Variants in HERC1 observed in about 807,000 individuals in gnomAD.
HERC1 encodes the protein HECT and RLD domain containing E3 ubiquitin protein ligase family member 1.
Under a neutral mutation model 554.3 loss-of-function variants are expected in HERC1, and 160 were observed. The ratio of observed to expected loss-of-function variants is 0.29; its 90% confidence interval spans 0.25 to 0.33. The LOEUF is 0.33. Ranked by LOEUF, HERC1 falls within the 10% of genes least tolerant of loss-of-function variation. HERC1 has a pLI of 1.00. For synonymous variants in HERC1, 2,175 were observed against 2,131.7 expected, an observed-to-expected ratio of 1.02 and a Z score of -0.56; for missense variants, 4,919 against 5,918.5, an observed-to-expected ratio of 0.83 and a Z score of 5.54.
At chr15:63,623,700 A>G (rs1237484143) in intron 73 of HERC1, 25 bp downstream of exon 73, 1 of 1,609,486 alleles carries the variant, frequency 6.2e-7, no homozygotes, top group Admixed American at 1.7e-5. Flanking sequence ...TAGATAACTC[A>G]GCAGGGGACA....
chr15:63,746,261 T>A (rs1214313651), intron 12 of HERC1, among the ~76,000 whole-genome samples: 1 of 152,182 alleles, frequency 6.6e-6, no homozygotes, highest in Non-Finnish European at 1.5e-5. Context: ...TAAATTTATC[T>A]TGTAATTTCT....
chr15:63,809,744 TTAAAC>T (rs1361460011), intron 1 of HERC1, among the ~76,000 whole-genome samples: 2 of 151,890 alleles, frequency 1.3e-5, no homozygotes, highest in African/African-American at 2.4e-5. Context: ...AAAGTACTGT[TTAAAC>T]TAAGAAATAT....
At chr15:63,712,409 A>C (rs926680645) in intron 24 of HERC1, among the ~76,000 whole-genome samples, 30 of 152,230 alleles carry the variant, frequency 2.0e-4, no homozygotes, top group African/African-American at 7.0e-4. Flanking sequence ...GATGATCCCA[A>C]GTTTCTTGCT....
At chr15:63,682,252 A>G (rs1244195213) in intron 34 of HERC1, among the ~76,000 whole-genome samples, 1 of 152,202 alleles carries the variant, frequency 6.6e-6, no homozygotes, top group Non-Finnish European at 1.5e-5. Flanking sequence ...CAATCACAAG[A>G]GAGTTGGTTT....
Position 63,732,892 on chromosome 15 carries a change from T to C in HERC1, c.2868+32A>G, listed in dbSNP as rs141764656. The C allele has an allele frequency of 2.6e-4, 369 of 1,414,208 alleles. 3 individuals carry two copies. In the Middle Eastern group the frequency reaches 3.2e-3, roughly 12 times the overall value. 87.6% of individuals were successfully genotyped at this position (1,414,208 alleles called of 1,614,324 possible). A position where few individuals can be genotyped will look rare whatever the true frequency, so the allele number is the denominator to read the frequency against. On this transcript the variant is annotated intron_variant, in intron 14 of 77. Coordinates refer to ENST00000443617, the MANE Select transcript of HERC1 (RefSeq NM_003922.4). ...ACTAAAGAGATCCCTACCCCTTTAT[T>C]CTTTTTTTACTACAATGAAAGAACA...
chr15:63,645,631 A>C lies in HERC1; in HGVS notation c.10930T>G (p.Cys3644Gly). Residue 3644 changes from cysteine to glycine, a missense_variant, in exon 56 of 78, where the codon TGT (cysteine) becomes GGT (glycine). Transcript: ENST00000443617. The part of the protein sequence containing the change: ...WDPTGHILMT[C>G]AKEDSVKLWG... ...AGTTTCACACTGTCTTCTTTGGCAC[A>C]TGTCATAAGAATATGACCTGTAGGG... 1.9e-6 allele frequency: 3 copies of C among 1,611,316 alleles called. No homozygotes were observed. The highest frequency in any genetic ancestry group is 2.5e-6 in the Non-Finnish European group (3 of 1,178,640).
intron 3 of HERC1, among the ~76,000 whole-genome samples, chr15:63,759,608 G>A (rs1038713301): frequency 3.9e-5 from 6 of 152,144 alleles, no homozygotes; most frequent in Non-Finnish European, 7.3e-5. Context: ...ATTTTGTGAC[G>A]TGAACTTCTG....
intron 68 of HERC1, among the ~76,000 whole-genome samples, chr15:63,630,908 G>A (rs1212466289): frequency 6.6e-6 from 1 of 152,158 alleles, no homozygotes; most frequent in Non-Finnish European, 1.5e-5. Flanking sequence ...TTCAAAATAA[G>A]AGGCTTCTCC....
intron 68 of HERC1, among the ~76,000 whole-genome samples, chr15:63,632,108 A>T (rs549867489): frequency 4.6e-5 from 7 of 152,138 alleles, no homozygotes; most frequent in Non-Finnish European, 1.0e-4. Flanking sequence ...CATAACTAAA[A>T]CTAAATTCCT....
Position 63,718,564 on chromosome 15 carries a change from C to T in HERC1, c.3978+10G>A. On this transcript the variant is annotated intron_variant, in intron 21 of 77. Transcript: ENST00000443617. This position sits in a 1 kb window ranked among gnomAD's most constrained non-coding sequence, Gnocchi z 4.2. ...GAAAAACATAGAAATTAATTGATTT[C>T]AAACTTTACCCATCTGTCCCGTGAT... 6.5e-7 allele frequency: 1 copy of T among 1,544,132 alleles called. No homozygotes were observed. The highest frequency in any genetic ancestry group is 8.8e-7 in the Non-Finnish European group (1 of 1,140,176).
At chr15:63,719,700 T>C (rs1211632302) in intron 19 of HERC1, among the ~76,000 whole-genome samples, 1 of 151,778 alleles carries the variant, frequency 6.6e-6, no homozygotes, top group African/African-American at 2.4e-5. Context: ...GGCTGGAGAG[T>C]CCACATGCAT....
In HERC1 at chr15:63,723,359, A is replaced by C; in HGVS notation, c.3569-4T>G. The C allele has an allele frequency of 6.5e-7, 1 of 1,532,398 alleles. No individual in the cohort carries two copies. The highest frequency in any genetic ancestry group is 8.8e-7 in the Non-Finnish European group (1 of 1,134,604). The allele number at this position is 1,532,398 out of a possible 1,614,324, so 94.9% of individuals were successfully genotyped here. A position where few individuals can be genotyped will look rare whatever the true frequency, so the allele number is the denominator to read the frequency against. On this transcript the variant is annotated splice_region_variant and splice_polypyrimidine_tract_variant and intron_variant, in intron 18 of 77. Transcript: ENST00000443617. ...AACAGGCAACTCATACATTTATCTA[A>C]AAAAAATACTCACGTTACCAATTTT...
At chr15:63,746,710 G>C (rs990505280) in intron 12 of HERC1, among the ~76,000 whole-genome samples, 6 of 152,188 alleles carry the variant, frequency 3.9e-5, no homozygotes, top group Admixed American at 1.3e-4. Flanking sequence ...AATCTGGTGG[G>C]AGAGCAGGAA....
chr15:63,683,223 G>T (rs78464419), intron 34 of HERC1, among the ~76,000 whole-genome samples: 1 of 151,668 alleles, frequency 6.6e-6, no homozygotes, highest in African/African-American at 2.4e-5. Context: ...GTTTCATCCT[G>T]ATCAGGGAAA....
In HERC1 at chr15:63,718,738, TC is replaced by T; in HGVS notation, c.3857+44del. On this transcript the variant is annotated intron_variant, in intron 20 of 77. Coordinates refer to ENST00000443617, the MANE Select transcript of HERC1 (RefSeq NM_003922.4). The surrounding 1 kb of genome is among the most constrained non-coding windows in gnomAD (Gnocchi z 4.2). ...TAGAAAAGTTACCTAATTTCTGACA[TC>T]ATGAGAGCAAATATTTGTCTGAGGA... 1.2e-6 allele frequency: 2 copies of T among 1,603,616 alleles called. No homozygotes were observed. The highest frequency in any genetic ancestry group is 1.7e-6 in the Non-Finnish European group (2 of 1,171,798).
Position 63,758,526 on chromosome 15 carries a change from T to C in HERC1, c.1027-157A>G, listed in dbSNP as rs984582245. 1.1e-4 allele frequency among the ~76,000 whole-genome samples: 16 copies of C among 152,214 alleles called. No homozygotes were observed. The highest frequency in any genetic ancestry group is 3.4e-4 in the African/African-American group (14 of 41,458). Reference sequence around the variant, plus strand: ...AAGATAACTAGACTATTTACTCATATGGAATAAACCACTAAAAGACGCTAA... The same window carrying C: ...AAGATAACTAGACTATTTACTCATACGGAATAAACCACTAAAAGACGCTAA... On this transcript the variant is annotated intron_variant, in intron 3 of 77. Transcript: ENST00000443617. The surrounding 1 kb of genome is among the most constrained non-coding windows in gnomAD (Gnocchi z 4.0).
At position 63,637,662 on chromosome 15, in the gene HERC1, A is replaced by T; in HGVS notation, c.12094-19T>A. The T allele has an allele frequency of 6.5e-7, 1 of 1,536,938 alleles. No individual in the cohort carries two copies. The highest frequency in any genetic ancestry group is 8.8e-7 in the Non-Finnish European group (1 of 1,138,164). ...AAATGACCTAGTATAAAAACACAGA[A>T]TTAAATATTTTATTCTTTATTATAT... On this transcript the variant is annotated intron_variant, in intron 63 of 77. Coordinates refer to ENST00000443617, the MANE Select transcript of HERC1 (RefSeq NM_003922.4).
In HERC1 at chr15:63,655,609, T is replaced by C. The variant is rs954678075; in HGVS notation, c.10084+133A>G. ...TTTCCATACACAGTGAAAAAGTATC[T>C]ATGCACTTCTTTTATGTTCTAAACT... On this transcript the variant is annotated intron_variant, in intron 50 of 77. Transcript: ENST00000443617. The C allele has an allele frequency of 1.4e-5, 9 of 622,748 alleles. No homozygotes were observed. In the African/African-American group the frequency reaches 1.7e-4, roughly 11 times the overall value. 38.6% of individuals were successfully genotyped at this position (622,748 alleles called of 1,614,324 possible). A position where few individuals can be genotyped will look rare whatever the true frequency, so the allele number is the denominator to read the frequency against.
At position 63,713,475 on chromosome 15, in the gene HERC1, A is replaced by G. The variant is rs757122173; in HGVS notation, c.4341T>C (p.His1447=). ...CTCCTAATATTAACAGGGCACACCG[A>G]TGGATCACGGAGTTGCATGCAGCAG... is the stretch of plus-strand genomic sequence containing the variant. ...VYTAACNSVI[H]RCALLILGVS... is the part of the protein sequence containing the mutation. Residue 1447 remains histidine, a synonymous_variant, in exon 23 of 78, where the codon CAT becomes CAC. Coordinates refer to ENST00000443617, the MANE Select transcript of HERC1 (RefSeq NM_003922.4). The G allele has an allele frequency of 7.4e-6, 12 of 1,614,008 alleles. No individual in the cohort carries two copies. In the Admixed American group the frequency reaches 2.0e-4, roughly 27 times the overall value.
Sources: allele counts gnomAD v4.1 joint callset (sites outside exome capture counted in the v4.1 genomes callset), GRCh38; gene constraint gnomAD v4.1.1; non-coding constraint Gnocchi (gnomAD v3.1); transcripts MANE v1.5; gene names NCBI Gene and HGNC (gene_info 2026-07-23, HGNC 2026-07-21).